Variants in RGS5 observed in about 807,000 individuals in gnomAD.
RGS5 encodes the protein regulator of G protein signaling 5.
RGS5 carries 20 observed loss-of-function variants against 18.9 expected under a neutral mutation model. The ratio of observed to expected loss-of-function variants is 1.06; its 90% CI spans 0.74 to 1.54. RGS5 has a LOEUF of 1.54. Ranked by LOEUF, RGS5 falls within the 40% of genes most tolerant of loss-of-function variation. The probability of loss-of-function intolerance (pLI) is 0.00; values close to 1 mark genes in which losing one functional copy is unlikely to be tolerated. For synonymous variants in RGS5, 57 were observed against 76.2 expected, an observed-to-expected ratio of 0.75 and a Z score of 1.31; for missense variants, 201 against 211.8, an observed-to-expected ratio of 0.95 and a Z score of 0.32.
chr1:163,228,027 AG>A (rs1401192123), intron 2 of RGS5, among the ~76,000 whole-genome samples: 1 of 152,184 alleles, frequency 6.6e-6, no homozygotes, highest in Non-Finnish European at 1.5e-5. Context: ...ATGCTTTCAC[AG>A]GGGGGCATTG....
intron 1 of RGS5, among the ~76,000 whole-genome samples, chr1:163,200,564 T>C (rs1659738454): frequency 6.6e-6 from 1 of 152,118 alleles, no homozygotes. Flanking sequence ...ATAGACAGTG[T>C]TAGACCCTTT....
intron 2 of RGS5, among the ~76,000 whole-genome samples, chr1:163,279,251 C>T (rs901725945): frequency 3.3e-5 from 5 of 152,006 alleles, no homozygotes; most frequent in Non-Finnish European, 5.9e-5. Flanking sequence ...GAACATTATA[C>T]AGGATAGACC....
In RGS5 at chr1:163,146,398, TTTAGACTTGACCATA is replaced by T. The variant is rs1366441670; in HGVS notation, c.*929_*943del. 5 of 152,138 alleles carry T rather than the reference TTTAGACTTGACCATA, an allele frequency of 3.3e-5. No individual in the cohort carries two copies. The highest frequency in any genetic ancestry group is 7.4e-5 in the Non-Finnish European group (5 of 68,026). 9.4% of individuals were successfully genotyped at this position (152,138 alleles called of 1,614,324 possible). A position where few individuals can be genotyped will look rare whatever the true frequency, so the allele number is the denominator to read the frequency against. ...ATAGCATCATAGGACAATTAGCCAT[TTTAGACTTGACCATA>T]TTTTCTCTTTTTAGCATATAGCCAT... On this transcript the variant is annotated 3_prime_UTR_variant, in exon 5 of 5. Coordinates refer to ENST00000313961, the MANE Select transcript of RGS5 (RefSeq NM_003617.4).
rs560492581 is a variant in RGS5, at chr1:163,319,555, C to T, written c.-378+2067G>A. Among the ~76,000 whole-genome samples, 51 of 152,176 alleles carry T rather than the reference C, an allele frequency of 3.4e-4. 1 individual carries two copies. Among genetic ancestry groups the T allele is most frequent in the African/African-American group, 1.1e-3 (45 of 41,506 alleles). The stretch of plus-strand genomic sequence containing the variant: ...GGAAAGAGCTGAAGATGGAGACTGA[C>T]AATCTGTCATATATCACTTTGTGTC... On this transcript the variant is annotated intron_variant, in intron 1 of 5. Transcript: ENST00000618415.
chr1:163,153,542 C>A (rs1451230670), intron 3 of RGS5, among the ~76,000 whole-genome samples: 5 of 151,952 alleles, frequency 3.3e-5, no homozygotes, highest in Admixed American at 3.3e-4. Context: ...ATGTTAAATG[C>A]AATATGATTA....
intron 1 of RGS5, among the ~76,000 whole-genome samples, chr1:163,178,855 A>T (rs750878237): frequency 2.6e-5 from 4 of 152,212 alleles, no homozygotes; most frequent in Non-Finnish European, 5.9e-5. Flanking sequence ...TCAAGAAAAG[A>T]CTAGCAACCA....
intron 2 of RGS5, among the ~76,000 whole-genome samples, chr1:163,297,250 C>T (rs929974311): frequency 1.3e-5 from 2 of 152,092 alleles, no homozygotes; most frequent in African/African-American, 2.4e-5. Flanking sequence ...TAGCATGGTG[C>T]TTGTGCTGTG....
chr1:163,221,181 G>T (rs10494393), upstream of RGS5, among the ~76,000 whole-genome samples: 7,053 of 152,194 alleles, frequency 0.046, 231 homozygotes, highest in East Asian at 0.13. Context: ...GTGTAATGTT[G>T]TATGGAACAA....
chr1:163,166,281 C>T (rs1658044201), intron 2 of RGS5, among the ~76,000 whole-genome samples: 1 of 151,136 alleles, frequency 6.6e-6, no homozygotes, highest in Non-Finnish European at 1.5e-5. Flanking sequence ...TCTCAATGGT[C>T]CATTTTTGTT....
chr1:163,202,399 G>T (rs762326052), intron 1 of RGS5, among the ~76,000 whole-genome samples: 2 of 152,106 alleles, frequency 1.3e-5, no homozygotes, highest in Non-Finnish European at 1.5e-5. Context: ...CTACATAGAG[G>T]TTAAATAAAT....
At chr1:163,241,359 T>C (rs1016271261) in intron 2 of RGS5, among the ~76,000 whole-genome samples, 3 of 152,198 alleles carry the variant, frequency 2.0e-5, no homozygotes, top group Admixed American at 1.3e-4. Flanking sequence ...TATATTATCT[T>C]CTGGTCTGAA....
At chr1:163,203,036 A>C (rs556155648), upstream of RGS5, 27 of 547,296 alleles carry the variant, frequency 4.9e-5, no homozygotes, top group East Asian at 7.6e-4. Flanking sequence ...GTGGGCCCTG[A>C]GGTGGAGGAG....
intron 2 of RGS5, among the ~76,000 whole-genome samples, chr1:163,283,314 A>C (rs2101720216): frequency 6.6e-6 from 1 of 152,326 alleles, no homozygotes; most frequent in African/African-American, 2.4e-5. Context: ...AACACAAAGA[A>C]ATGATAAATG....
chr1:163,314,522 T>C (rs1649960495), intron 1 of RGS5, among the ~76,000 whole-genome samples: 5 of 151,992 alleles, frequency 3.3e-5, no homozygotes, highest in Admixed American at 2.6e-4. Context: ...GCACCAGAAC[T>C]GTGACAAAAC....
At chr1:163,206,319 A>G (rs1659953848), upstream of RGS5, among the ~76,000 whole-genome samples, 1 of 151,328 alleles carries the variant, frequency 6.6e-6, no homozygotes, top group Admixed American at 6.6e-5. Flanking sequence ...TTTTGTTATA[A>G]CAGCACAAAC....
At chr1:163,188,770 C>T (rs1485139621) in intron 1 of RGS5, among the ~76,000 whole-genome samples, 1 of 151,920 alleles carries the variant, frequency 6.6e-6, no homozygotes, top group Non-Finnish European at 1.5e-5. Context: ...CCATCCTGGC[C>T]AACATGGTGA....
chr1:163,164,224 A>T (rs1657936655), intron 2 of RGS5, among the ~76,000 whole-genome samples: 1 of 152,200 alleles, frequency 6.6e-6, no homozygotes. Context: ...ATTAGGTCTG[A>T]CTTCATTGGA....
upstream of RGS5, among the ~76,000 whole-genome samples, chr1:163,220,787 C>T (rs934823359): frequency 6.6e-6 from 1 of 152,064 alleles, no homozygotes; most frequent in Admixed American, 6.6e-5. Context: ...CCAATGTCAT[C>T]ACAAGGTCCT....
At chr1:163,165,200 T>C (rs12063090) in intron 2 of RGS5, among the ~76,000 whole-genome samples, 29,656 of 152,136 alleles carry the variant, frequency 0.19, 4,562 homozygotes, top group African/African-American at 0.43. Context: ...GGTGAGCGTA[T>C]GCAGGACAAC....
Sources: gnomAD v4.1 joint callset for allele counts (sites outside exome capture counted in the v4.1 genomes callset) on GRCh38, gnomAD v4.1.1 for gene constraint, MANE v1.5 for transcripts, NCBI Gene and HGNC (gene_info 2026-07-23, HGNC 2026-07-21) for gene names.